The following PDZD2 variants were observed in gnomAD, a reference collection of about 807,000 sequenced individuals.
The protein encoded by PDZD2 is PDZ domain-containing protein 2.
PDZD2 carries 90 observed loss-of-function variants against 220.7 expected under a neutral mutation model. The observed-to-expected ratio is 0.41, with a 90% confidence interval of 0.34 to 0.49. The LOEUF (loss-of-function observed/expected upper bound fraction) is 0.49. Ranked by LOEUF, PDZD2 falls within the 20% of genes least tolerant of loss-of-function variation. The probability of loss-of-function intolerance (pLI) is 0.28; values close to 1 mark genes in which losing one functional copy is unlikely to be tolerated. For synonymous variants in PDZD2, 1,375 were observed against 1,450.5 expected (o/e 0.95, Z 1.18); for missense variants, 3,174 against 3,608.5 (o/e 0.88, Z 3.08).
chr5:31,823,084 A>G, intron 2 of PDZD2: 1 of 918,894 alleles, frequency 1.1e-6, no homozygotes, highest in Non-Finnish European at 1.6e-6. Context: ...CTTTAGAGTA[A>G]TATTGACATT....
intron 1 of PDZD2, among the ~76,000 whole-genome samples, chr5:31,745,697 G>A (rs986801435): frequency 1.3e-5 from 2 of 152,012 alleles, no homozygotes; most frequent in Non-Finnish European, 2.9e-5. Context: ...TTCTTTGTAA[G>A]GTCAAATTTC....
At chr5:31,749,090 G>C (rs558286806) in intron 1 of PDZD2, among the ~76,000 whole-genome samples, 2 of 152,146 alleles carry the variant, frequency 1.3e-5, no homozygotes, top group Non-Finnish European at 2.9e-5. Flanking sequence ...ATTTCATGGG[G>C]GGGGGCCTTA....
intron 2 of PDZD2, among the ~76,000 whole-genome samples, chr5:31,886,659 G>C (rs1740510883): frequency 6.6e-6 from 1 of 151,766 alleles, no homozygotes; most frequent in Non-Finnish European, 1.5e-5. Flanking sequence ...GTAGAGCCCA[G>C]AGGCACTTCT....
chr5:31,781,850 A>AT (rs1332400594), intron 1 of PDZD2, among the ~76,000 whole-genome samples: 1 of 152,132 alleles, frequency 6.6e-6, no homozygotes, highest in Non-Finnish European at 1.5e-5. Context: ...GGGGACTACT[A>AT]TTTACAGGGT....
intron 1 of PDZD2, among the ~76,000 whole-genome samples, chr5:31,771,035 A>G (rs1026669784): frequency 4.6e-5 from 7 of 152,194 alleles, no homozygotes; most frequent in Non-Finnish European, 1.0e-4. Context: ...CCGTGATGCA[A>G]TTTATGAAGG....
chr5:31,883,582 G>A (rs1270705484), intron 2 of PDZD2, among the ~76,000 whole-genome samples: 1 of 147,258 alleles, frequency 6.8e-6, no homozygotes, highest in East Asian at 2.0e-4. Flanking sequence ...GCTGAGTTTT[G>A]TTTTCAGATC....
chr5:32,064,825 G>T (rs192737599), intron 14 of PDZD2, among the ~76,000 whole-genome samples: 2 of 147,202 alleles, frequency 1.4e-5, no homozygotes, highest in African/African-American at 5.0e-5. Flanking sequence ...AAAATTAGCC[G>T]GGTGTGCTGG....
At chr5:32,022,828 A>G (rs999927166) in intron 6 of PDZD2, among the ~76,000 whole-genome samples, 1 of 152,196 alleles carries the variant, frequency 6.6e-6, no homozygotes, top group African/African-American at 2.4e-5. Flanking sequence ...TTTTGCAAGG[A>G]AAGTGACTCA....
intron 2 of PDZD2, among the ~76,000 whole-genome samples, chr5:31,913,609 G>C (rs566701342): frequency 1.3e-5 from 2 of 152,278 alleles, no homozygotes; most frequent in East Asian, 3.9e-4. Context: ...GGGGCTGTTC[G>C]TCATGGCTCT....
At chr5:31,669,481 C>G (rs1242933424) in intron 1 of PDZD2, among the ~76,000 whole-genome samples, 1 of 152,094 alleles carries the variant, frequency 6.6e-6, no homozygotes, top group Non-Finnish European at 1.5e-5. Context: ...TCCTGGCTGC[C>G]CCCTGTCCTG....
chr5:31,977,278 G>C (rs1396656768), intron 2 of PDZD2, among the ~76,000 whole-genome samples: 1 of 152,182 alleles, frequency 6.6e-6, no homozygotes, highest in Non-Finnish European at 1.5e-5. Flanking sequence ...ATGATTTTCA[G>C]AGGTACCTGG....
At chr5:31,730,455 G>A (rs917283902) in intron 1 of PDZD2, among the ~76,000 whole-genome samples, 5 of 152,066 alleles carry the variant, frequency 3.3e-5, no homozygotes, top group Non-Finnish European at 7.3e-5. Flanking sequence ...TGTTAAGATG[G>A]GCCACAGGAG....
rs1743934916 is a variant in PDZD2 at position 32,098,387 on chromosome 5, G to C, written c.7971G>C (p.Gly2657=). The C allele has an allele frequency of 3.7e-6, 6 of 1,614,112 alleles. No individual in the cohort carries two copies. The highest frequency in any genetic ancestry group is 5.1e-6 in the Non-Finnish European group (6 of 1,180,012). Residue 2657 remains glycine (G), a synonymous_variant, in exon 23 of 25, where the codon GGG becomes GGC. Transcript: ENST00000438447. This position sits in a 1 kb window ranked among gnomAD's most constrained non-coding sequence, Gnocchi z 4.1. Reference sequence around the variant, plus strand: ...AGGTCCACAGGGTGTTTTCTCAGGGGGCGGCTTCTCAGGAAGGGACTATGA... The same window carrying C: ...AGGTCCACAGGGTGTTTTCTCAGGGCGCGGCTTCTCAGGAAGGGACTATGA... The part of the protein sequence containing the change: ...SITVHRVFSQ[G]AASQEGTMNR...
At chr5:32,027,593 C>G (rs1754771414) in intron 6 of PDZD2, among the ~76,000 whole-genome samples, 1 of 152,144 alleles carries the variant, frequency 6.6e-6, no homozygotes, top group African/African-American at 2.4e-5. Flanking sequence ...GCACACATGC[C>G]CGGCGTGTAC....
intron 2 of PDZD2, among the ~76,000 whole-genome samples, chr5:31,879,911 C>CT (rs568407359): frequency 0.33 from 41,276 of 124,088 alleles, 7,915 homozygotes; most frequent in South Asian, 0.53. Context: ...CAATACCTGC[C>CT]TTTTTTTTTT....
chr5:31,686,322 T>A (rs551099284), intron 1 of PDZD2, among the ~76,000 whole-genome samples: 1 of 152,234 alleles, frequency 6.6e-6, no homozygotes, highest in South Asian at 2.1e-4. Flanking sequence ...GCATGTTTCT[T>A]ATTGAATATC....
chr5:31,679,543 T>C (rs1197326343), intron 1 of PDZD2, among the ~76,000 whole-genome samples: 1 of 152,244 alleles, frequency 6.6e-6, no homozygotes, highest in Non-Finnish European at 1.5e-5. Flanking sequence ...AGGGTCTTGC[T>C]GTTGCCCAGG....
intron 2 of PDZD2, among the ~76,000 whole-genome samples, chr5:31,941,778 G>A (rs988007616): frequency 6.6e-6 from 1 of 152,144 alleles, no homozygotes; most frequent in Non-Finnish European, 1.5e-5. Context: ...GAGTTTGTTA[G>A]GGTAATAGAA....
intron 1 of PDZD2, among the ~76,000 whole-genome samples, chr5:31,749,563 A>G (rs1294510511): frequency 1.3e-5 from 2 of 151,922 alleles, no homozygotes; most frequent in East Asian, 3.9e-4. Flanking sequence ...AGCTGGGATT[A>G]CGGGCGCCCG....
Sources: allele counts gnomAD v4.1 joint callset (sites outside exome capture counted in the v4.1 genomes callset), GRCh38; gene constraint gnomAD v4.1.1; non-coding constraint Gnocchi (gnomAD v3.1); transcripts MANE v1.5; gene names NCBI Gene and HGNC (gene_info 2026-07-23, HGNC 2026-07-21).